FCHSD2: variants seen among roughly 807,000 people sequenced by gnomAD.
The protein encoded by FCHSD2 is F-BAR and double SH3 domains protein 2.
Under a neutral mutation model 108.1 loss-of-function variants are expected in FCHSD2, and 38 were observed. The observed-to-expected ratio is 0.35, with a 90% CI of 0.27 to 0.46. The LOEUF is 0.46. Ranked by LOEUF, FCHSD2 falls within the 20% of genes least tolerant of loss-of-function variation. The pLI is 1.00. For synonymous variants in FCHSD2, 279 were observed against 314.7 expected (o/e 0.89, Z 1.20); for missense variants, 751 against 897.8 (o/e 0.84, Z 2.09).
At chr11:73,123,553 C>T (rs987704127) in intron 2 of FCHSD2, among the ~76,000 whole-genome samples, 1 of 152,116 alleles carries the variant, frequency 6.6e-6, no homozygotes, top group Non-Finnish European at 1.5e-5. Flanking sequence ...TTTTATAATG[C>T]GTTCTTGGCA....
rs190311907 is a variant in FCHSD2 at position 72,880,687 on chromosome 11, G to A, written c.1146+6783C>T. ...TCTTAGCACTTTGGGAGGCTGAGGC[G>A]GGTGGATCCCTTGAGCCCAGGAGTT... On this transcript the variant is annotated intron_variant, in intron 12 of 19. Coordinates refer to ENST00000409418, the MANE Select transcript of FCHSD2 (RefSeq NM_014824.3). 4.1e-3 allele frequency among the ~76,000 whole-genome samples: 620 copies of A among 151,840 alleles called. 2 individuals are homozygous for A. The highest frequency in any genetic ancestry group is 0.014 in the African/African-American group (585 of 41,402).
intron 13 of FCHSD2, among the ~76,000 whole-genome samples, chr11:72,856,255 G>A (rs1435971619): frequency 6.6e-6 from 1 of 152,218 alleles, no homozygotes; most frequent in Non-Finnish European, 1.5e-5. Context: ...CCAAGTGCAT[G>A]GCCCTGGGAA....
At chr11:73,111,903 CCT>C in intron 2 of FCHSD2, among the ~76,000 whole-genome samples, 1 of 152,082 alleles carries the variant, frequency 6.6e-6, no homozygotes, top group East Asian at 1.9e-4. Context: ...ACTTTGTCCC[CCT>C]ATTTTTAACT....
chr11:73,065,781 G>T (rs1232686054), intron 3 of FCHSD2, among the ~76,000 whole-genome samples: 1 of 152,004 alleles, frequency 6.6e-6, no homozygotes. Flanking sequence ...AAATACCTAG[G>T]AATCCAACTT....
chr11:73,020,922 T>G (rs533609416), intron 3 of FCHSD2, among the ~76,000 whole-genome samples: 14 of 152,270 alleles, frequency 9.2e-5, no homozygotes, highest in African/African-American at 3.4e-4. Flanking sequence ...TCACCCAGGC[T>G]GGAAGGCAGT....
At chr11:72,978,475 A>C (rs1049736185) in intron 8 of FCHSD2, among the ~76,000 whole-genome samples, 2 of 152,210 alleles carry the variant, frequency 1.3e-5, no homozygotes, top group African/African-American at 4.8e-5. Flanking sequence ...ATAATTAGAT[A>C]GCATGTCATC....
rs533847674 is a variant in FCHSD2 at position 73,075,726 on chromosome 11, A to T, written c.165+7969T>A. The stretch of plus-strand genomic sequence containing the variant: ...GCTACTCAGGAGACTGACGCATGAG[A>T]ATTTCTTGAACCCAGGGGGCAGAGT... On this transcript the variant is annotated intron_variant, in intron 3 of 19. Transcript: ENST00000409418. Among the ~76,000 whole-genome samples the T allele has an allele frequency of 2.6e-5, 4 of 152,140 alleles. No individual in the cohort carries two copies. The East Asian group carries it at 7.7e-4, about 29-fold the overall frequency.
intron 10 of FCHSD2, among the ~76,000 whole-genome samples, chr11:72,897,657 G>A (rs1475341172): frequency 1.3e-5 from 2 of 152,146 alleles, no homozygotes; most frequent in African/African-American, 4.8e-5. Context: ...TAAATAAACT[G>A]CTAGTTTAGA....
intron 8 of FCHSD2, among the ~76,000 whole-genome samples, chr11:72,931,273 T>G (rs1856186386): frequency 7.0e-6 from 1 of 143,036 alleles, no homozygotes; most frequent in African/African-American, 2.6e-5. Flanking sequence ...TTTTGTGGGT[T>G]TTTTTTTTTT....
chr11:72,925,302 T>C (rs1168525632), intron 8 of FCHSD2, among the ~76,000 whole-genome samples: 1 of 152,234 alleles, frequency 6.6e-6, no homozygotes, highest in African/African-American at 2.4e-5. Context: ...CATTGTACTT[T>C]TAATTTTGAT....
At chr11:72,986,516 T>C (rs1217613232) in intron 6 of FCHSD2, among the ~76,000 whole-genome samples, 1 of 152,142 alleles carries the variant, frequency 6.6e-6, no homozygotes, top group Non-Finnish European at 1.5e-5. Flanking sequence ...GCCCCAATTA[T>C]TTTACTTTTA....
At chr11:72,937,929 T>G (rs1856335706) in intron 8 of FCHSD2, among the ~76,000 whole-genome samples, 1 of 152,204 alleles carries the variant, frequency 6.6e-6, no homozygotes, top group African/African-American at 2.4e-5. Flanking sequence ...CAAAGACTGA[T>G]GTAGCTGTTA....
intron 12 of FCHSD2, among the ~76,000 whole-genome samples, chr11:72,881,553 A>G (rs1199856530): frequency 6.6e-6 from 1 of 152,216 alleles, no homozygotes; most frequent in Non-Finnish European, 1.5e-5. Context: ...ATCCAAAGGA[A>G]AGGAAATCAG....
In FCHSD2 at chr11:73,142,060, C is replaced by G; in HGVS notation, c.-183G>C. The G allele has an allele frequency of 1.7e-6, 1 of 580,214 alleles. No homozygotes were observed. The highest frequency in any genetic ancestry group is 2.0e-5 in the South Asian group (1 of 48,988). The allele number at this position is 580,214 out of a possible 1,614,324, so 35.9% of individuals were successfully genotyped here. On this transcript the variant is annotated 5_prime_UTR_variant, in exon 1 of 20. Coordinates refer to ENST00000409418, the MANE Select transcript of FCHSD2 (RefSeq NM_014824.3). ...CGGCAGGCGGACCCCAGCCAGAGAGCGAGTGTGAGGAGACGAGGGAGGAGC... is the reference window on the plus strand; with the variant it reads ...CGGCAGGCGGACCCCAGCCAGAGAGGGAGTGTGAGGAGACGAGGGAGGAGC...
intron 10 of FCHSD2, among the ~76,000 whole-genome samples, chr11:72,891,049 T>C (rs775748385): frequency 6.6e-6 from 1 of 152,108 alleles, no homozygotes; most frequent in Non-Finnish European, 1.5e-5. Flanking sequence ...CCTGAGTAGC[T>C]GGAACTACAG....
At position 72,900,160 on chromosome 11, in the gene FCHSD2, T is replaced by C. The variant is rs562578024; in HGVS notation, c.924+2383A>G. Reference sequence around the variant, plus strand: ...TGCATCAGGGCCTCTTATACATGTATATACATAACTTTCATCCCAACACCA... The same window carrying C: ...TGCATCAGGGCCTCTTATACATGTACATACATAACTTTCATCCCAACACCA... On this transcript the variant is annotated intron_variant, in intron 10 of 19. Transcript: ENST00000409418. 48 of 773,630 alleles carry C rather than the reference T, an allele frequency of 6.2e-5. No homozygotes were observed. In the East Asian group the frequency reaches 1.0e-3, roughly 16 times the overall value. 47.9% of individuals were successfully genotyped at this position (773,630 alleles called of 1,614,324 possible). A position where few individuals can be genotyped will look rare whatever the true frequency, so the allele number is the denominator to read the frequency against.
intron 9 of FCHSD2, among the ~76,000 whole-genome samples, chr11:72,910,615 C>T (rs894910188): frequency 6.6e-6 from 1 of 151,948 alleles, no homozygotes; most frequent in Non-Finnish European, 1.5e-5. Context: ...TAAACAGATG[C>T]CTGAAGGCAG....
chr11:72,979,583 G>C (rs1857174127), intron 8 of FCHSD2, among the ~76,000 whole-genome samples: 1 of 152,186 alleles, frequency 6.6e-6, no homozygotes, highest in Admixed American at 6.5e-5. Flanking sequence ...AGAAAACAAT[G>C]AGGTATGGAC....
At chr11:73,111,486 T>C (rs1274268883) in intron 2 of FCHSD2, among the ~76,000 whole-genome samples, 4 of 151,574 alleles carry the variant, frequency 2.6e-5, no homozygotes, top group South Asian at 2.1e-4. Context: ...TCAGTCTATG[T>C]GTGTCTTTAT....
Sources: gnomAD v4.1 joint callset for allele counts (sites outside exome capture counted in the v4.1 genomes callset) on GRCh38, gnomAD v4.1.1 for gene constraint, MANE v1.5 for transcripts, NCBI Gene and HGNC (gene_info 2026-07-23, HGNC 2026-07-21) for gene names.